Variants in JADE3 observed in about 807,000 individuals in gnomAD.
JADE3 encodes the protein jade family PHD finger 3, also known as protein Jade-3.
In JADE3, 2 loss-of-function variants were observed where a neutral mutation model predicts 50.1. The observed-to-expected ratio is 0.04, with a 90% confidence interval of 0.02 to 0.13. The LOEUF (loss-of-function observed/expected upper bound fraction) is 0.13, where lower values mean the gene tolerates loss of function less well. Among genes scored for constraint, JADE3 ranks in the 10% least tolerant of loss-of-function variants. JADE3 has a pLI of 1.00. For missense variants in JADE3, 475 were observed against 634.4 expected, an observed-to-expected ratio of 0.75 and a Z score of 2.70; for synonymous variants, 218 against 232.9, an observed-to-expected ratio of 0.94 and a Z score of 0.58.
At chrX:46,923,182 T>A (rs915028291) in intron 1 of JADE3, among the ~76,000 whole-genome samples, 2 of 107,826 alleles carry the variant, frequency 1.9e-5, no homozygotes, top group African/African-American at 6.7e-5. Context: ...CCAGCTAGTT[T>A]TTAAGATCTT....
At chrX:46,943,833 T>A (rs1350674106) in intron 1 of JADE3, among the ~76,000 whole-genome samples, 1 of 111,885 alleles carries the variant, frequency 8.9e-6, no homozygotes, top group African/African-American at 3.3e-5. Context: ...TGTGAATACA[T>A]CTGTTCCAGA....
At chrX:46,948,853 T>C (rs782187173) in intron 1 of JADE3, among the ~76,000 whole-genome samples, 8 of 112,120 alleles carry the variant, frequency 7.1e-5, no homozygotes, top group African/African-American at 2.6e-4. Context: ...CTATCTTGAA[T>C]TCTGTCACTA....
chrX:46,994,892 C>A (rs1225494113), intron 3 of JADE3, among the ~76,000 whole-genome samples: 1 of 111,835 alleles, frequency 8.9e-6, no homozygotes, highest in East Asian at 2.8e-4. Flanking sequence ...TTTACAACAA[C>A]CCCTATGAGG....
At chrX:47,012,485 G>A (rs782629076) in intron 4 of JADE3, among the ~76,000 whole-genome samples, 5 of 110,937 alleles carry the variant, frequency 4.5e-5, no homozygotes, top group African/African-American at 1.3e-4. Flanking sequence ...AGAGACTTAC[G>A]TGGAAGGATT....
chrX:47,008,673 T>G (rs1335553068), intron 4 of JADE3, among the ~76,000 whole-genome samples: 1 of 111,789 alleles, frequency 8.9e-6, no homozygotes, highest in East Asian at 2.8e-4. Flanking sequence ...CAGTTTTAGC[T>G]TGCACAGTCA....
At position 46,952,305 on chromosome X, in the gene JADE3, G is replaced by A. The variant is rs1287103905; in HGVS notation, c.-11-32579G>A. The stretch of plus-strand genomic sequence containing the variant: ...ATTTGTTTCAGCAGCAGTTGGTCTG[G>A]TTAGGTTCAGACTGCAAGTTCCATC... On this transcript the variant is annotated intron_variant, in intron 1 of 10. Transcript: ENST00000614628. 1.9e-4 allele frequency among the ~76,000 whole-genome samples: 21 copies of A among 112,219 alleles called. No homozygotes were observed. In the Admixed American group the frequency reaches 1.9e-3, roughly 10 times the overall value.
rs1556372922 is a variant in JADE3 at position 47,054,397 on chromosome X, G to A, written c.1212G>A (p.Glu404=). 8.3e-7 allele frequency: 1 copy of A among 1,209,537 alleles called. No individual in the cohort carries two copies. The change falls in exon 9 of 11, where the codon GAG becomes GAA. Residue 404 remains glutamate, a synonymous_variant. Transcript: ENST00000614628. ...GGGCACAGAAGCTTCGGGAGCTGGA[G>A]GAGGAGTTCTATTCCTTGGTACGAG... ...SLRAQKLREL[E]EEFYSLVRVE... is the part of the protein sequence containing the mutation.
chrX:46,913,594 G>GT (rs782536580), intron 1 of JADE3, among the ~76,000 whole-genome samples: 8 of 110,703 alleles, frequency 7.2e-5, no homozygotes, highest in East Asian at 5.7e-4. Flanking sequence ...TTTGTTTGTT[G>GT]TTTTTTTTAA....
At chrX:47,003,319 T>C (rs1453010341) in intron 4 of JADE3, among the ~76,000 whole-genome samples, 1 of 110,502 alleles carries the variant, frequency 9.0e-6, no homozygotes, top group African/African-American at 3.3e-5. Flanking sequence ...ACCTTCTCAC[T>C]GTGTGCTCAC....
At chrX:47,023,218 C>T (rs1928834960) in intron 4 of JADE3, among the ~76,000 whole-genome samples, 1 of 111,421 alleles carries the variant, frequency 9.0e-6, no homozygotes, top group Admixed American at 9.6e-5. Context: ...CATCCCATCA[C>T]CAAGCTGTTA....
chrX:47,027,295 A>G (rs1327829639), intron 5 of JADE3, among the ~76,000 whole-genome samples: 1 of 112,299 alleles, frequency 8.9e-6, no homozygotes, highest in African/African-American at 3.2e-5. Context: ...ATGTTGTTAT[A>G]GTTTGCCATT....
chrX:47,000,219 C>G (rs1464917221), intron 4 of JADE3, among the ~76,000 whole-genome samples: 1 of 111,094 alleles, frequency 9.0e-6, no homozygotes, highest in African/African-American at 3.3e-5. Flanking sequence ...TCTCCTGCCC[C>G]CTAAAAATCA....
At position 46,998,285 on chromosome X, in the gene JADE3, C is replaced by G. The variant is rs1232218549; in HGVS notation, c.284+8C>G. 1.0e-5 allele frequency: 12 copies of G among 1,195,136 alleles called. No individual in the cohort carries two copies. The African/African-American group carries it at 2.0e-4, about 19-fold the overall frequency. On this transcript the variant is annotated splice_region_variant and intron_variant, in intron 4 of 10. Coordinates refer to ENST00000614628, the MANE Select transcript of JADE3 (RefSeq NM_014735.5). The stretch of plus-strand genomic sequence containing the variant: ...TCCACAGCCTTCTCTCAGGTATTTG[C>G]ATGCTTGCACCTTTGACTTAGGGAA...
rs369017506 is a variant in JADE3 at position 46,913,583 on chromosome X, G to T, written c.-12+864G>T. Among the ~76,000 whole-genome samples the T allele has an allele frequency of 1.7e-4, 19 of 111,099 alleles. 1 individual carries two copies. Among genetic ancestry groups the T allele is most frequent in the African/African-American group, 5.9e-4 (18 of 30,518 alleles). On this transcript the variant is annotated intron_variant, in intron 1 of 10. Coordinates refer to ENST00000614628, the MANE Select transcript of JADE3 (RefSeq NM_014735.5). ...TTTGTTTTGTTTTGTTTTGTTTTTT[G>T]TTTGTTTGTTGTTTTTTTTAATAGC...
At chrX:46,938,057 CACTT>C (rs782380192) in intron 1 of JADE3, among the ~76,000 whole-genome samples, 8 of 111,787 alleles carry the variant, frequency 7.2e-5, no homozygotes, top group Non-Finnish European at 1.5e-4. Context: ...TTTTGCTTTT[CACTT>C]ACTTATATCA....
intron 1 of JADE3, among the ~76,000 whole-genome samples, chrX:46,923,391 C>CTT (rs1569533975): frequency 9.9e-5 from 2 of 20,277 alleles, no homozygotes; most frequent in Non-Finnish European, 3.3e-4. Context: ...CTCTCTCTCT[C>CTT]TCTTTTTTTT....
At chrX:46,946,038 G>C (rs1052545462) in intron 1 of JADE3, among the ~76,000 whole-genome samples, 1 of 111,909 alleles carries the variant, frequency 8.9e-6, no homozygotes, top group Non-Finnish European at 1.9e-5. Flanking sequence ...CAAGACTTCA[G>C]AGTAGCAGGT....
rs782606752 is a variant in JADE3 at position 47,054,191 on chromosome X, G to A, written c.1006G>A (p.Val336Ile). 8 of 1,208,283 alleles carry A rather than the reference G, an allele frequency of 6.6e-6. No individual in the cohort carries two copies. Among genetic ancestry groups the A allele is most frequent in the South Asian group, 5.3e-5 (3 of 56,716 alleles). The change falls in exon 9 of 11, where the codon GTC becomes ATC. Residue 336 changes from valine to isoleucine, a missense_variant. Around this residue, in one of 6 missense-constraint regions of JADE3, gnomAD observed 54 missense variants for 156.2 expected, o/e 0.35. Coordinates refer to ENST00000614628, the MANE Select transcript of JADE3 (RefSeq NM_014735.5). ...AAAAAGCTGCATCACTGCCTTCCAC[G>A]TCACCTGTGCCTTTGAGCACGGCCT... Reference protein sequence around the residue: ...SIKSCITAFHVTCAFEHGLEM... With the variant: ...SIKSCITAFHITCAFEHGLEM...
At chrX:46,970,804 A>G (rs1402142324) in intron 1 of JADE3, among the ~76,000 whole-genome samples, 2 of 111,894 alleles carry the variant, frequency 1.8e-5, no homozygotes, top group South Asian at 3.7e-4. Flanking sequence ...ATAAATTGGG[A>G]TGATTACTTT....
Sources: allele counts gnomAD v4.1 joint callset (sites outside exome capture counted in the v4.1 genomes callset), GRCh38; gene constraint gnomAD v4.1.1; regional missense constraint gnomAD v4.1.1; transcripts MANE v1.5; gene names NCBI Gene and HGNC (gene_info 2026-07-23, HGNC 2026-07-21).